The following NBDY variants were observed in gnomAD, a reference collection of about 807,000 sequenced individuals.
The protein encoded by NBDY is P-body dissociating protein.
At chrX:56,794,000 C>G (rs963554495) in intron 2 of NBDY, among the ~76,000 whole-genome samples, 4 of 112,392 alleles carry the variant, frequency 3.6e-5, no homozygotes, top group Non-Finnish European at 7.5e-5. Context: ...CAGCCCCATT[C>G]TCATCCATCA....
chrX:56,791,186 C>T (rs1018811747), intron 2 of NBDY, among the ~76,000 whole-genome samples: 3 of 112,289 alleles, frequency 2.7e-5, no homozygotes, highest in African/African-American at 9.7e-5. Context: ...TACGTTTTGT[C>T]CACTTTTGTT....
chrX:56,803,050 G>A (rs977692963), intron 2 of NBDY, among the ~76,000 whole-genome samples: 6 of 111,669 alleles, frequency 5.4e-5, no homozygotes, highest in Non-Finnish European at 7.5e-5. Context: ...GCCATCGAGC[G>A]GAATCTGTTT....
intron 2 of NBDY, among the ~76,000 whole-genome samples, chrX:56,752,764 A>T (rs2069592075): frequency 9.0e-6 from 1 of 110,544 alleles, no homozygotes; most frequent in Non-Finnish European, 1.9e-5. Context: ...GCACACCACT[A>T]TGCCCAGATA....
intron 2 of NBDY, among the ~76,000 whole-genome samples, chrX:56,739,238 G>GTATATATATATATATATA (rs1198957018): frequency 1.7e-4 from 10 of 59,603 alleles, no homozygotes; most frequent in African/African-American, 5.6e-4. Flanking sequence ...GTTTGTGTGT[G>GTATATATATATATATATA]TATATATATA....
At chrX:56,733,971 T>C (rs2069472949) in intron 2 of NBDY, among the ~76,000 whole-genome samples, 1 of 112,810 alleles carries the variant, frequency 8.9e-6, no homozygotes, top group South Asian at 3.7e-4. Flanking sequence ...GCCTAGTTTT[T>C]ATTCTTACTG....
At chrX:56,792,091 T>C (rs1314397858) in intron 2 of NBDY, among the ~76,000 whole-genome samples, 1 of 111,099 alleles carries the variant, frequency 9.0e-6, no homozygotes, top group South Asian at 3.8e-4. Flanking sequence ...CTTTTGCTCC[T>C]TGGTTATGCT....
rs2069461989 is a variant in NBDY, at chrX:56,732,076, G to A, written c.*43G>A. On this transcript the variant is annotated 3_prime_UTR_variant, in exon 2 of 3. Transcript: ENST00000374922. ...ACTATTTTTCAGTCTTTGAGTGATT[G>A]CAGTATGACTCCATTTCCCTGGTGC... 1 of 296,664 alleles carries A rather than the reference G, an allele frequency of 3.4e-6. No individual in the cohort carries two copies. Among genetic ancestry groups the A allele is most frequent in the Non-Finnish European group, 5.9e-6 (1 of 169,834 alleles). 24.4% of individuals were successfully genotyped at this position (296,664 alleles called of 1,213,427 possible).
intron 2 of NBDY, among the ~76,000 whole-genome samples, chrX:56,740,936 C>T (rs1159265425): frequency 3.6e-5 from 4 of 110,357 alleles, no homozygotes; most frequent in African/African-American, 1.3e-4. Flanking sequence ...AATAATAGGT[C>T]TTATTCATTC....
intron 2 of NBDY, among the ~76,000 whole-genome samples, chrX:56,739,236 G>GTA (rs67727538): frequency 0.011 from 619 of 58,034 alleles, 15 homozygotes; most frequent in Non-Finnish European, 0.013. Context: ...GTGTTTGTGT[G>GTA]TGTATATATA....
intron 2 of NBDY, among the ~76,000 whole-genome samples, chrX:56,785,069 C>A (rs1355748684): frequency 1.8e-5 from 2 of 111,232 alleles, no homozygotes; most frequent in Non-Finnish European, 3.8e-5. Flanking sequence ...TAATGATTCT[C>A]ACACTCATGA....
intron 2 of NBDY, among the ~76,000 whole-genome samples, chrX:56,800,458 G>C (rs1205410611): frequency 9.0e-6 from 1 of 111,137 alleles, no homozygotes; most frequent in Non-Finnish European, 1.9e-5. Flanking sequence ...GTGGGGGTGG[G>C]GGCAGTGTGG....
At chrX:56,814,890 T>C (rs1023465393) in intron 2 of NBDY, among the ~76,000 whole-genome samples, 6 of 110,787 alleles carry the variant, frequency 5.4e-5, no homozygotes, top group African/African-American at 2.0e-4. Context: ...TAGTAAGAAA[T>C]GTCATATTTT....
rs1011775870 is a variant in NBDY at position 56,730,065 on chromosome X, C to G, written c.*29+476C>G. On this transcript the variant is annotated intron_variant, in intron 1 of 2. Coordinates refer to ENST00000374922, the MANE Select transcript of NBDY (RefSeq NM_001348129.2). The stretch of plus-strand genomic sequence containing the variant: ...AAGGCCAGCCTTCAGAAGTGTATGT[C>G]TTTCTCTGTGTAAGGCAGGAGAGTT... Among the ~76,000 whole-genome samples, 4 of 109,067 alleles carry G rather than the reference C, an allele frequency of 3.7e-5. No individual in the cohort carries two copies. The Admixed American group carries it at 3.9e-4, about 11-fold the overall frequency. The allele number at this position is 109,067 out of a possible 115,157, so 94.7% of individuals were successfully genotyped here.
intron 2 of NBDY, among the ~76,000 whole-genome samples, chrX:56,783,153 G>C (rs2069705352): frequency 1.8e-5 from 2 of 112,848 alleles, no homozygotes; most frequent in South Asian, 7.2e-4. Context: ...ACTGAGGCGG[G>C]ACAAGAGAGG....
At chrX:56,758,863 G>A (rs1245745921) in intron 2 of NBDY, among the ~76,000 whole-genome samples, 3 of 111,539 alleles carry the variant, frequency 2.7e-5, no homozygotes, top group Non-Finnish European at 5.7e-5. Context: ...TGAATGAGAC[G>A]GTGGAGGACA....
At chrX:56,797,702 C>T (rs748509139) in intron 2 of NBDY, among the ~76,000 whole-genome samples, 5 of 110,835 alleles carry the variant, frequency 4.5e-5, no homozygotes, top group Admixed American at 9.7e-5. Flanking sequence ...TCCAGTCAGG[C>T]CAGGTGAACA....
intron 2 of NBDY, among the ~76,000 whole-genome samples, chrX:56,801,140 A>G (rs1267887026): frequency 9.0e-6 from 1 of 111,134 alleles, no homozygotes; most frequent in Non-Finnish European, 1.9e-5. Context: ...CCCATCAACA[A>G]GAAGCTTCTT....
chrX:56,787,456 C>T (rs1169352927), intron 2 of NBDY, among the ~76,000 whole-genome samples: 1 of 111,260 alleles, frequency 9.0e-6, no homozygotes, highest in Admixed American at 9.5e-5. Flanking sequence ...CAAAGGGGAA[C>T]GGGGGACAAA....
At chrX:56,787,358 G>T (rs2069734995) in intron 2 of NBDY, among the ~76,000 whole-genome samples, 1 of 110,869 alleles carries the variant, frequency 9.0e-6, no homozygotes. Context: ...TAGCAAAGGG[G>T]CGTGGGCTTA....
Sources: allele counts gnomAD v4.1 joint callset (sites outside exome capture counted in the v4.1 genomes callset), GRCh38; gene constraint gnomAD v4.1.1; transcripts MANE v1.5; gene names NCBI Gene and HGNC (gene_info 2026-07-23, HGNC 2026-07-21).